MICU1: variants seen among roughly 807,000 people sequenced by gnomAD.
MICU1 encodes the protein calcium uptake protein 1, mitochondrial.
Under a neutral mutation model 56.8 loss-of-function variants are expected in MICU1, and 45 were observed. That is an observed-to-expected ratio of 0.79 (90% CI 0.62 to 1.02). The LOEUF is 1.02. Among genes scored for constraint, MICU1 ranks in the 50% least tolerant of loss-of-function variants. The pLI is 0.00. For synonymous variants in MICU1, 186 were observed against 195.1 expected, an observed-to-expected ratio of 0.95 and a Z score of 0.39; for missense variants, 504 against 587.1, an observed-to-expected ratio of 0.86 and a Z score of 1.46.
intron 1 of MICU1, among the ~76,000 whole-genome samples, chr10:72,572,695 C>T (rs1840640753): frequency 6.6e-6 from 1 of 151,892 alleles, no homozygotes; most frequent in African/African-American, 2.4e-5. Flanking sequence ...AGAAAAATGG[C>T]TCCGAAAACT....
intron 8 of MICU1, among the ~76,000 whole-genome samples, chr10:72,452,403 A>C (rs894639740): frequency 6.6e-6 from 1 of 152,190 alleles, no homozygotes; most frequent in African/African-American, 2.4e-5. Context: ...AATCAGAGCT[A>C]CCTAACTGAA....
intron 6 of MICU1, among the ~76,000 whole-genome samples, chr10:72,505,403 C>T (rs985843933): frequency 9.2e-5 from 14 of 152,254 alleles, no homozygotes; most frequent in South Asian, 8.3e-4. Flanking sequence ...ACCAGTTTGA[C>T]GATTTCTCTA....
At chr10:72,411,896 G>A (rs1162270899) in intron 9 of MICU1, among the ~76,000 whole-genome samples, 1 of 152,138 alleles carries the variant, frequency 6.6e-6, no homozygotes, top group Non-Finnish European at 1.5e-5. Context: ...TTCATTTGGT[G>A]ATTCAGAAAA....
intron 10 of MICU1, among the ~76,000 whole-genome samples, chr10:72,385,873 G>A (rs1014298261): frequency 5.3e-5 from 8 of 152,232 alleles, no homozygotes; most frequent in Non-Finnish European, 1.0e-4. Context: ...TGCTGGCTCT[G>A]AAGAAGTGAG....
intron 6 of MICU1, among the ~76,000 whole-genome samples, chr10:72,491,647 G>A (rs758624456): frequency 1.2e-4 from 19 of 152,128 alleles, no homozygotes; most frequent in African/African-American, 2.7e-4. Context: ...CCCGGAGTTC[G>A]AGAGTTAATG....
At chr10:72,411,350 C>T (rs1481734787) in intron 9 of MICU1, among the ~76,000 whole-genome samples, 4 of 149,074 alleles carry the variant, frequency 2.7e-5, no homozygotes, top group South Asian at 2.1e-4. Context: ...TTTTTTGAGA[C>T]GGAGTCTCGC....
intron 1 of MICU1, among the ~76,000 whole-genome samples, chr10:72,593,265 T>C (rs117496753): frequency 1.1e-3 from 175 of 152,190 alleles, no homozygotes; most frequent in Non-Finnish European, 2.0e-3. Context: ...TTATTCAACA[T>C]AGTACTAAGT....
chr10:72,622,266 T>C (rs962098648), intron 1 of MICU1, among the ~76,000 whole-genome samples: 9 of 151,962 alleles, frequency 5.9e-5, no homozygotes, highest in Non-Finnish European at 1.3e-4. Flanking sequence ...ATGAAAATTA[T>C]TTTAGTGAAC....
chr10:72,508,525 C>T (rs1245791635), intron 5 of MICU1: 1 of 256,006 alleles, frequency 3.9e-6, no homozygotes, highest in East Asian at 6.8e-5. Flanking sequence ...AACCCTCTGC[C>T]ATTGCACATA....
chr10:72,375,726 G>T (rs573283318), intron 11 of MICU1, 57 bp downstream of exon 11: 77 of 1,505,992 alleles, frequency 5.1e-5, no homozygotes, highest in Non-Finnish European at 7.0e-5. Flanking sequence ...TTATACACAA[G>T]GGCCTCTAAG....
chr10:72,367,402 A>G lies in MICU1; in HGVS notation c.*793T>C, dbSNP rs1364277743. The G allele has an allele frequency of 3.3e-5, 5 of 152,354 alleles. No individual in the cohort carries two copies. Among genetic ancestry groups the G allele is most frequent in the Admixed American group, 6.5e-5 (1 of 15,274 alleles). 9.4% of individuals were successfully genotyped at this position (152,354 alleles called of 1,614,324 possible). Reference sequence around the variant, plus strand: ...AGTGATATTTACAATTGTTTAAGACAGAGGGCAAACAGGCTCTGAGCCAGG... The same window carrying G: ...AGTGATATTTACAATTGTTTAAGACGGAGGGCAAACAGGCTCTGAGCCAGG... On this transcript the variant is annotated 3_prime_UTR_variant, in exon 12 of 12. Coordinates refer to ENST00000361114, the MANE Select transcript of MICU1 (RefSeq NM_001195518.2).
chr10:72,450,017 T>C (rs1865244357), intron 8 of MICU1, among the ~76,000 whole-genome samples: 1 of 152,158 alleles, frequency 6.6e-6, no homozygotes, highest in South Asian at 2.1e-4. Flanking sequence ...CACTATTTCC[T>C]GAAAATCTGG....
chr10:72,428,791 CAG>C (rs2132151228), intron 8 of MICU1, among the ~76,000 whole-genome samples: 1 of 152,196 alleles, frequency 6.6e-6, no homozygotes, highest in East Asian at 1.9e-4. Context: ...TAATAACAAT[CAG>C]GAAATATTTG....
intron 9 of MICU1, among the ~76,000 whole-genome samples, chr10:72,422,625 G>C (rs1304841860): frequency 1.3e-5 from 2 of 151,940 alleles, no homozygotes; most frequent in Non-Finnish European, 2.9e-5. Flanking sequence ...TAGCTTACTG[G>C]ATCCTCGCTG....
chr10:72,391,135 A>G (rs1863054932), intron 10 of MICU1, among the ~76,000 whole-genome samples: 1 of 114,078 alleles, frequency 8.8e-6, no homozygotes. Flanking sequence ...GCTGCAGATC[A>G]AAAATATTTA....
intron 1 of MICU1, among the ~76,000 whole-genome samples, chr10:72,604,360 C>CT (rs1366281562): frequency 9.3e-6 from 1 of 107,934 alleles, no homozygotes; most frequent in Admixed American, 8.8e-5. Context: ...TGCAACCTCC[C>CT]CCTCCTGGGT....
At chr10:72,571,521 A>G (rs1016122612) in intron 1 of MICU1, among the ~76,000 whole-genome samples, 1 of 152,198 alleles carries the variant, frequency 6.6e-6, no homozygotes, top group Admixed American at 6.5e-5. Context: ...AATTTAGAGC[A>G]TATGTAAAAT....
chr10:72,392,669 T>C (rs1863118427), intron 10 of MICU1, among the ~76,000 whole-genome samples: 1 of 152,244 alleles, frequency 6.6e-6, no homozygotes, highest in Non-Finnish European at 1.5e-5. Flanking sequence ...ATTCAGGCAG[T>C]CTGACTTCAG....
chr10:72,556,218 G>C (rs1315106689), intron 3 of MICU1, among the ~76,000 whole-genome samples: 1 of 152,168 alleles, frequency 6.6e-6, no homozygotes, highest in Non-Finnish European at 1.5e-5. Context: ...ATAATAATGA[G>C]CATCTGTCAT....
Sources: allele counts gnomAD v4.1 joint callset (sites outside exome capture counted in the v4.1 genomes callset), GRCh38; gene constraint gnomAD v4.1.1; transcripts MANE v1.5; gene names NCBI Gene and HGNC (gene_info 2026-07-23, HGNC 2026-07-21).